Variants in WDR19 observed in about 807,000 individuals in gnomAD.
WDR19 encodes the protein WD repeat domain 19.
Under a neutral mutation model 180.0 loss-of-function variants are expected in WDR19, and 121 were observed. The observed-to-expected ratio is 0.67, with a 90% CI of 0.58 to 0.78. The LOEUF (loss-of-function observed/expected upper bound fraction) is 0.78, where lower values mean the gene tolerates loss of function less well. WDR19 is among the 30% of genes least tolerant of loss of function. The probability of loss-of-function intolerance (pLI) is 0.00; values close to 1 mark genes in which losing one functional copy is unlikely to be tolerated. For synonymous variants in WDR19, 497 were observed against 540.7 expected, an observed-to-expected ratio of 0.92 and a Z score of 1.12; for missense variants, 1,450 against 1,640.7, an observed-to-expected ratio of 0.88 and a Z score of 2.01.
intron 10 of WDR19, among the ~76,000 whole-genome samples, chr4:39,215,152 G>T (rs983645234): frequency 6.6e-6 from 1 of 152,042 alleles, no homozygotes; most frequent in Non-Finnish European, 1.5e-5. Context: ...CATACTGCTT[G>T]ACTAGAAAGA....
intron 20 of WDR19, among the ~76,000 whole-genome samples, chr4:39,239,665 G>A (rs1280295550): frequency 2.6e-5 from 4 of 151,800 alleles, no homozygotes; most frequent in African/African-American, 7.2e-5. Context: ...GTGTACCCCC[G>A]AATTTAAAAA....
Position 39,231,786 on chromosome 4 carries a change from T to C in WDR19, c.1983-11T>C. Reference sequence around the variant, plus strand: ...GAACATTCTGATTAAGCTTATGTTCTTACATCCCAGGTTTTCTGATGCTTG... The same window carrying C: ...GAACATTCTGATTAAGCTTATGTTCCTACATCCCAGGTTTTCTGATGCTTG... On this transcript the variant is annotated splice_polypyrimidine_tract_variant and intron_variant, in intron 17 of 36. Transcript: ENST00000399820. 6.4e-7 allele frequency: 1 copy of C among 1,573,510 alleles called. No homozygotes were observed. The highest frequency in any genetic ancestry group is 8.7e-7 in the Non-Finnish European group (1 of 1,151,718).
At position 39,285,467 on chromosome 4, in the gene WDR19, G is replaced by A. The variant is rs1188247180; in HGVS notation, c.*14-20G>A. The A allele has an allele frequency of 2.0e-5, 3 of 152,198 alleles. No homozygotes were observed. The highest frequency in any genetic ancestry group is 7.2e-5 in the African/African-American group (3 of 41,444). The allele number at this position is 152,198 out of a possible 1,614,324, so 9.4% of individuals were successfully genotyped here. On this transcript the variant is annotated intron_variant, in intron 36 of 36. Transcript: ENST00000399820. ...ACTTGAAACCCTTCTAGAGGCATGT[G>A]TTCTGTTTGTCCTTTCTAGATACAA...
chr4:39,266,214 A>G, intron 29 of WDR19, 74 bp downstream of exon 29: 1 of 1,339,746 alleles, frequency 7.5e-7, no homozygotes, highest in African/African-American at 1.5e-5. Context: ...TTTACCCATC[A>G]TGCTTTTACA....
chr4:39,206,278 T>A (rs1218999002), intron 9 of WDR19, among the ~76,000 whole-genome samples: 2 of 152,198 alleles, frequency 1.3e-5, no homozygotes, highest in Non-Finnish European at 2.9e-5. Context: ...ATCCCCTGGT[T>A]TTCTTTTTCT....
At chr4:39,226,981 TTAA>T (rs1157953499) in intron 15 of WDR19, among the ~76,000 whole-genome samples, 1 of 152,204 alleles carries the variant, frequency 6.6e-6, no homozygotes, top group Non-Finnish European at 1.5e-5. Context: ...GTTTCTTGAC[TTAA>T]TAATCGCGAT....
Position 39,203,737 on chromosome 4 carries a change from C to A in WDR19, c.603+15C>A. ...CTGAAAGCATGGTAAGAATTCTAATCAAATCCACGTGCAAATCATTTGGGT... is the reference window on the plus strand; with the variant it reads ...CTGAAAGCATGGTAAGAATTCTAATAAAATCCACGTGCAAATCATTTGGGT... On this transcript the variant is annotated intron_variant, in intron 7 of 36. Transcript: ENST00000399820. 2 of 1,603,542 alleles carry A rather than the reference C, an allele frequency of 1.2e-6. No homozygotes were observed. The highest frequency in any genetic ancestry group is 2.2e-5 in the South Asian group (2 of 89,268).
At chr4:39,257,043 G>A (rs1005389494) in intron 27 of WDR19, among the ~76,000 whole-genome samples, 1 of 151,990 alleles carries the variant, frequency 6.6e-6, no homozygotes, top group African/African-American at 2.4e-5. Context: ...TAAAATAATC[G>A]GTCTCATATT....
At chr4:39,253,778 CAAAAA>C in intron 25 of WDR19, 123 bp from the exon 26 acceptor site, 3 of 554,216 alleles carry the variant, frequency 5.4e-6, no homozygotes, top group South Asian at 5.3e-5. Context: ...GACTCCATCT[CAAAAA>C]AAAAAAAAAG....
At chr4:39,254,141 A>C (rs1302821959) in intron 26 of WDR19, 111 bp downstream of exon 26, 1 of 1,088,828 alleles carries the variant, frequency 9.2e-7, no homozygotes, top group African/African-American at 1.6e-5. Context: ...GCCTGGTGTA[A>C]ATGTTTACCA....
chr4:39,209,099 C>T (rs1281805627), intron 9 of WDR19, among the ~76,000 whole-genome samples: 5 of 152,088 alleles, frequency 3.3e-5, no homozygotes, highest in African/African-American at 1.2e-4. Flanking sequence ...CCACAATAGA[C>T]TACCCTGGCT....
chr4:39,220,237 CA>C (rs897378339), intron 14 of WDR19, among the ~76,000 whole-genome samples: 1 of 151,592 alleles, frequency 6.6e-6, no homozygotes, highest in East Asian at 1.9e-4. Flanking sequence ...AACAAACAAA[CA>C]AAAAAACAAA....
intron 22 of WDR19, 39 bp downstream of exon 22, chr4:39,244,427 A>T: frequency 6.2e-7 from 1 of 1,613,906 alleles, no homozygotes; most frequent in Non-Finnish European, 8.5e-7. Flanking sequence ...GTGGTCTTTT[A>T]TACATAATAA....
intron 36 of WDR19, among the ~76,000 whole-genome samples, chr4:39,281,211 G>GTGTGTGTGTGTA (rs1736470960): frequency 9.6e-6 from 1 of 103,654 alleles, no homozygotes; most frequent in Non-Finnish European, 1.9e-5. Context: ...ATATATGTGT[G>GTGTGTGTGTGTA]TGTGTATATA....
chr4:39,211,328 G>A (rs145881175), intron 9 of WDR19, among the ~76,000 whole-genome samples: 327 of 152,300 alleles, frequency 2.1e-3, no homozygotes, highest in African/African-American at 7.2e-3. Context: ...AGCATTAGAA[G>A]TTCCAGCCAC....
At chr4:39,248,945 C>T (rs539086571) in intron 24 of WDR19, among the ~76,000 whole-genome samples, 2 of 152,172 alleles carry the variant, frequency 1.3e-5, no homozygotes, top group South Asian at 2.1e-4. Flanking sequence ...GACAGATCAA[C>T]GAGACAGAAA....
At chr4:39,223,417 A>C (rs954364414) in intron 14 of WDR19, among the ~76,000 whole-genome samples, 8 of 152,070 alleles carry the variant, frequency 5.3e-5, no homozygotes, top group African/African-American at 1.7e-4. Flanking sequence ...TGCAACCTCC[A>C]CTTCCTGGGT....
intron 36 of WDR19, among the ~76,000 whole-genome samples, chr4:39,281,067 T>C (rs1475406504): frequency 6.6e-6 from 1 of 152,164 alleles, no homozygotes; most frequent in Admixed American, 6.5e-5. Context: ...TTGTCAGATA[T>C]ATTTTGCAAA....
At chr4:39,257,586 T>TG in intron 28 of WDR19, 32 bp downstream of exon 28, 1 of 1,541,554 alleles carries the variant, frequency 6.5e-7, no homozygotes, top group Non-Finnish European at 8.8e-7. Flanking sequence ...CTTTCAATAA[T>TG]GCCAATTTTT....
Sources: allele counts gnomAD v4.1 joint callset (sites outside exome capture counted in the v4.1 genomes callset), GRCh38; gene constraint gnomAD v4.1.1; transcripts MANE v1.5; gene names NCBI Gene and HGNC (gene_info 2026-07-23, HGNC 2026-07-21).